Variants in GRIN2D observed in about 807,000 individuals in gnomAD.
GRIN2D encodes the protein glutamate receptor ionotropic, NMDA 2D.
GRIN2D carries 37 observed loss-of-function variants against 103.2 expected under a neutral mutation model. The observed-to-expected ratio is 0.36, with a 90% CI of 0.28 to 0.47. The LOEUF (loss-of-function observed/expected upper bound fraction) is 0.47, where lower values mean the gene tolerates loss of function less well. GRIN2D is among the 20% of genes least tolerant of loss of function. The pLI is 1.00. For synonymous variants in GRIN2D, 845 were observed against 885.6 expected (o/e 0.95, Z 0.81); for missense variants, 1,557 against 1,910.6 (o/e 0.81, Z 3.45).
chr19:48,435,035 G>A (rs996873421), intron 11 of GRIN2D, among the ~76,000 whole-genome samples: 4 of 151,936 alleles, frequency 2.6e-5, no homozygotes, highest in Non-Finnish European at 5.9e-5. Context: ...TGGATCCTTT[G>A]GGATTTTTCT....
chr19:48,412,111 G>C (rs1216436659), intron 4 of GRIN2D, among the ~76,000 whole-genome samples: 2 of 151,790 alleles, frequency 1.3e-5, no homozygotes, highest in African/African-American at 4.8e-5. Context: ...CGGATCACAA[G>C]GTCAGGAGAT....
chr19:48,405,017 G>A lies in GRIN2D; in HGVS notation c.749G>A (p.Arg250Gln). ...SAQIRLLFCA[R>Q]EEAEPVFRAA... ...CAGATCCGCCTGCTCTTCTGCGCCC[G>A]AGAGGAGGCCGAGCCCGTGTTCCGC... Residue 250 changes from arginine to glutamine, a missense_variant, in exon 4 of 14, where the codon CGA becomes CAA. Physicochemically the swap from Arg to Gln is conservative, Grantham distance 43. This residue lies in a region of GRIN2D where 490 missense variants were observed against 601.1 expected (regional missense o/e 0.82). Coordinates refer to ENST00000263269, the MANE Select transcript of GRIN2D (RefSeq NM_000836.4). This position sits in a 1 kb window ranked among gnomAD's most constrained non-coding sequence, Gnocchi z 5.1. 1 of 1,612,292 alleles carries A rather than the reference G, an allele frequency of 6.2e-7. No homozygotes were observed.
At chr19:48,438,287 CTTTTTTTTTTTTTT>C (rs71181697) in intron 11 of GRIN2D, among the ~76,000 whole-genome samples, 2 of 57,726 alleles carry the variant, frequency 3.5e-5, no homozygotes, top group African/African-American at 7.6e-5. Flanking sequence ...ATCCAGCCGC[CTTTTTTTTTTTTTT>C]TTTTTTTTTT....
intron 11 of GRIN2D, among the ~76,000 whole-genome samples, chr19:48,423,359 C>T (rs149642577): frequency 1.8e-4 from 27 of 152,250 alleles, no homozygotes; most frequent in African/African-American, 6.0e-4. Flanking sequence ...GTACGCTAAG[C>T]GGTGAACAAA....
In GRIN2D at chr19:48,394,671, G is replaced by C. The variant is rs1970614655; in HGVS notation, c.-292G>C. Among the ~76,000 whole-genome samples, 1 of 152,206 alleles carries C rather than the reference G, an allele frequency of 6.6e-6. No individual in the cohort carries two copies. The highest frequency in any genetic ancestry group is 6.5e-5 in the Admixed American group (1 of 15,288). Reference sequence around the variant, plus strand: ...CCCAACTTCCAGAGCAACATGTGTAGCCACGTCCTCGCCTAGTCCAGGTGG... The same window carrying C: ...CCCAACTTCCAGAGCAACATGTGTACCCACGTCCTCGCCTAGTCCAGGTGG... On this transcript the variant is annotated 5_prime_UTR_variant, in exon 2 of 14. Transcript: ENST00000263269. This position sits in a 1 kb window ranked among gnomAD's most constrained non-coding sequence, Gnocchi z 5.1.
chr19:48,397,348 C>T (rs912529482), intron 2 of GRIN2D, among the ~76,000 whole-genome samples: 2 of 152,090 alleles, frequency 1.3e-5, no homozygotes, highest in Non-Finnish European at 2.9e-5. Flanking sequence ...CTTTTCCTCC[C>T]TTTTATTTCT....
rs1474802905 is a variant in GRIN2D at position 48,405,378 on chromosome 19, G to C, written c.1085+25G>C. On this transcript the variant is annotated intron_variant, in intron 4 of 13. Transcript: ENST00000263269. The surrounding 1 kb of genome is among the most constrained non-coding windows in gnomAD (Gnocchi z 5.1). ...GGTGAGTGGGGCTGGAATGGGAGGG[G>C]TGTGGGAGGGCTCCCAGAGCCTAAC... The C allele has an allele frequency of 6.6e-7, 1 of 1,521,066 alleles. No individual in the cohort carries two copies. Among genetic ancestry groups the C allele is most frequent in the African/African-American group, 1.4e-5 (1 of 72,154 alleles). 94.2% of individuals were successfully genotyped at this position (1,521,066 alleles called of 1,614,324 possible).
At chr19:48,415,799 C>T (rs936026848) in intron 7 of GRIN2D, among the ~76,000 whole-genome samples, 1 of 151,990 alleles carries the variant, frequency 6.6e-6, no homozygotes, top group African/African-American at 2.4e-5. Flanking sequence ...GCTACCAATT[C>T]CCAATCTTGT....
chr19:48,437,710 T>C (rs918235207), intron 11 of GRIN2D, among the ~76,000 whole-genome samples: 2 of 152,108 alleles, frequency 1.3e-5, no homozygotes, highest in Admixed American at 1.3e-4. Context: ...CTCTAGAAAC[T>C]CCACATTCTT....
Position 48,442,171 on chromosome 19 carries a change from G to A in GRIN2D, c.2462G>A (p.Arg821Gln), listed in dbSNP as rs767410370. ...LGDDEIEMLERLWLSGICHND... is the reference protein window; with the variant it reads ...LGDDEIEMLEQLWLSGICHND... ...CTAGATGAGATCGAGATGCTGGAGC[G>A]GCTGTGGCTCTCTGGGATCTGCCAC... The change falls in exon 13 of 14, where the codon CGG becomes CAG. Residue 821 changes from arginine to glutamine, a missense_variant. Coordinates refer to ENST00000263269, the MANE Select transcript of GRIN2D (RefSeq NM_000836.4). This position sits in a 1 kb window ranked among gnomAD's most constrained non-coding sequence, Gnocchi z 7.2. The A allele has an allele frequency of 4.3e-6, 7 of 1,614,154 alleles. No homozygotes were observed. In the East Asian group the frequency reaches 1.3e-4, roughly 31 times the overall value.
At chr19:48,437,830 A>AG (rs1408382941) in intron 11 of GRIN2D, among the ~76,000 whole-genome samples, 3 of 152,200 alleles carry the variant, frequency 2.0e-5, no homozygotes, top group African/African-American at 7.2e-5. Context: ...AAGTGCCTGC[A>AG]GGCAGTGGTG....
chr19:48,441,705 C>A (rs894101809), intron 11 of GRIN2D, 64 bp from the exon 12 acceptor site: 31 of 1,398,556 alleles, frequency 2.2e-5, no homozygotes, highest in Non-Finnish European at 2.8e-5. Flanking sequence ...TGAGGAGGTT[C>A]CAGGCCTGGC....
intron 11 of GRIN2D, among the ~76,000 whole-genome samples, chr19:48,431,876 C>T (rs1043916816): frequency 4.6e-5 from 7 of 151,768 alleles, no homozygotes; most frequent in Admixed American, 2.0e-4. Flanking sequence ...TGTGCCACCG[C>T]GCCCGGCCTG....
intron 4 of GRIN2D, among the ~76,000 whole-genome samples, chr19:48,413,661 C>CAAAA (rs11368422): frequency 2.1e-4 from 12 of 57,134 alleles, no homozygotes; most frequent in African/African-American, 4.0e-4. Flanking sequence ...GACTCTGTCT[C>CAAAA]AAAAAAAAAA....
intron 11 of GRIN2D, among the ~76,000 whole-genome samples, chr19:48,431,936 CAG>C (rs1440769691): frequency 1.6e-5 from 2 of 123,084 alleles, no homozygotes; most frequent in Non-Finnish European, 3.3e-5. Flanking sequence ...TTTTTTGAGA[CAG>C]AGTCTTGCTC....
chr19:48,403,886 C>A (rs1032960235), intron 3 of GRIN2D, among the ~76,000 whole-genome samples: 1 of 152,196 alleles, frequency 6.6e-6, no homozygotes, highest in Non-Finnish European at 1.5e-5. Context: ...ATGTTAGCTG[C>A]TGGAACGGAT....
rs1297532606 is a variant in GRIN2D at position 48,443,050 on chromosome 19, G to A, written c.3124G>A (p.Gly1042Arg). The stretch of plus-strand genomic sequence containing the variant: ...CCCCGCCGCCGCGGCCACCGCCGTC[G>A]GGCCGCCACTCTGCCGCTTGGCCTT... ...APPAAAATAV[G>R]PPLCRLAFED... is the part of the protein sequence containing the mutation. Residue 1042 changes from glycine to arginine, a missense_variant, in exon 14 of 14, where the codon GGG (glycine) becomes AGG (arginine). Gly to Arg is a moderately radical substitution (Grantham distance 125). Transcript: ENST00000263269. The surrounding 1 kb of genome is among the most constrained non-coding windows in gnomAD (Gnocchi z 8.9). 1.5e-5 allele frequency: 16 copies of A among 1,040,390 alleles called. No individual in the cohort carries two copies. The highest frequency in any genetic ancestry group is 1.7e-5 in the Non-Finnish European group (15 of 869,280). The allele number at this position is 1,040,390 out of a possible 1,614,324, so 64.4% of individuals were successfully genotyped here. A position where few individuals can be genotyped will look rare whatever the true frequency, so the allele number is the denominator to read the frequency against.
At chr19:48,404,233 T>A (rs1569059958) in intron 3 of GRIN2D, among the ~76,000 whole-genome samples, 1 of 130,494 alleles carries the variant, frequency 7.7e-6, no homozygotes. Flanking sequence ...AGAGTGAAAT[T>A]CCATCTCAAA....
chr19:48,425,934 G>A lies in GRIN2D; in HGVS notation c.2252+3989G>A, dbSNP rs182329350. ...CCCGGCTTCTCATAAAGCTTCCCCT[G>A]CCCCTCCAGTCACCATAGAATATCA... is the stretch of plus-strand genomic sequence containing the variant. On this transcript the variant is annotated intron_variant, in intron 11 of 13. Transcript: ENST00000263269. Among the ~76,000 whole-genome samples the A allele has an allele frequency of 5.8e-4, 88 of 152,114 alleles. No homozygotes were observed. In the Middle Eastern group the frequency reaches 0.017, roughly 29 times the overall value.
Sources: gnomAD v4.1 joint callset for allele counts (sites outside exome capture counted in the v4.1 genomes callset) on GRCh38, gnomAD v4.1.1 for gene constraint, gnomAD v4.1.1 regional missense constraint, Gnocchi (gnomAD v3.1) non-coding constraint, MANE v1.5 for transcripts, NCBI Gene and HGNC (gene_info 2026-07-23, HGNC 2026-07-21) for gene names.